The following ABCA1 variants were observed in gnomAD, a reference collection of about 807,000 sequenced individuals.
The protein encoded by ABCA1 is phospholipid-transporting ATPase ABCA1.
Under a neutral mutation model 262.5 loss-of-function variants are expected in ABCA1, and 133 were observed. The ratio of observed to expected loss-of-function variants is 0.51; its 90% confidence interval spans 0.44 to 0.59. The LOEUF (loss-of-function observed/expected upper bound fraction) is 0.59, where lower values mean the gene tolerates loss of function less well. ABCA1 is among the 20% of genes least tolerant of loss of function. The pLI is 0.00. For missense variants in ABCA1, 2,452 were observed against 2,777.5 expected (o/e 0.88, Z 2.63); for synonymous variants, 1,022 against 1,043.5 (o/e 0.98, Z 0.40).
rs749070718 is a variant in ABCA1, at chr9:104,784,471, G to A, written c.6646-16C>T. On this transcript the variant is annotated splice_polypyrimidine_tract_variant and intron_variant, in intron 49 of 49. Coordinates refer to ENST00000374736, the MANE Select transcript of ABCA1 (RefSeq NM_005502.4). ...TCACAAATACCTGTTAAAAGATTAA[G>A]ATGGACCTTTATAAATACCACTCAA... 12 of 1,613,960 alleles carry A rather than the reference G, an allele frequency of 7.4e-6. No individual in the cohort carries two copies. Among genetic ancestry groups the A allele is most frequent in the Non-Finnish European group, 1.0e-5 (12 of 1,179,960 alleles).
intron 5 of ABCA1, among the ~76,000 whole-genome samples, chr9:104,869,758 C>G (rs969300435): frequency 6.6e-6 from 1 of 152,164 alleles, no homozygotes; most frequent in Non-Finnish European, 1.5e-5. Context: ...CCAGGAGACA[C>G]TTCCTTCTCT....
At chr9:104,881,757 G>T (rs1588493398) in intron 5 of ABCA1, among the ~76,000 whole-genome samples, 1 of 151,998 alleles carries the variant, frequency 6.6e-6, no homozygotes, top group Non-Finnish European at 1.5e-5. Flanking sequence ...CTTTGATCAG[G>T]GGTTGTTGCT....
chr9:104,830,265 A>C (rs535155029), intron 14 of ABCA1, among the ~76,000 whole-genome samples: 1 of 152,356 alleles, frequency 6.6e-6, no homozygotes, highest in East Asian at 1.9e-4. Context: ...ACATTTACAT[A>C]AACTGTGCTT....
At chr9:104,818,943 C>T in intron 22 of ABCA1, 60 bp from the exon 23 acceptor site, 1 of 1,463,732 alleles carries the variant, frequency 6.8e-7, no homozygotes, top group Non-Finnish European at 9.4e-7. Context: ...TGATTTGTCA[C>T]AGTGACAGGG....
intron 6 of ABCA1, 148 bp downstream of exon 6, chr9:104,861,531 G>C (rs1836386344): frequency 8.6e-7 from 1 of 1,158,236 alleles, no homozygotes. Context: ...TGCCTGAATA[G>C]GGAAGTAAAA....
At position 104,838,151 on chromosome 9, in the gene ABCA1, C is replaced by A. The variant is rs539167356; in HGVS notation, c.1055-584G>T. 4.6e-5 allele frequency among the ~76,000 whole-genome samples: 7 copies of A among 151,968 alleles called. No homozygotes were observed. The South Asian group carries it at 1.5e-3, about 32-fold the overall frequency. On this transcript the variant is annotated intron_variant, in intron 9 of 49. Transcript: ENST00000374736. The stretch of plus-strand genomic sequence containing the variant: ...GACCAGCCTGACCAACATGGAGAAA[C>A]CCTGTCTCTACTAAAAATACAAAAT...
chr9:104,824,236 C>T (rs545564157), intron 18 of ABCA1, among the ~76,000 whole-genome samples: 1 of 150,936 alleles, frequency 6.6e-6, no homozygotes, highest in Non-Finnish European at 1.5e-5. Flanking sequence ...GAAGCCAAGA[C>T]AACAAAGAAA....
intron 5 of ABCA1, among the ~76,000 whole-genome samples, chr9:104,869,233 G>A (rs537771043): frequency 2.0e-5 from 3 of 151,908 alleles, no homozygotes; most frequent in Admixed American, 6.6e-5. Context: ...GGGTGGAGGA[G>A]GCAAATGAAA....
intron 44 of ABCA1, 110 bp downstream of exon 44, chr9:104,790,812 A>G (rs956052364): frequency 3.8e-6 from 3 of 798,066 alleles, no homozygotes; most frequent in Non-Finnish European, 2.1e-6. Flanking sequence ...ATATTTCAAC[A>G]TTTTTATGAA....
Position 104,818,829 on chromosome 9 carries a change from T to G in ABCA1, c.3296A>C (p.Asp1099Ala), listed in dbSNP as rs754720959. 6.2e-7 allele frequency: 1 copy of G among 1,613,976 alleles called. No homozygotes were observed. The highest frequency in any genetic ancestry group is 1.7e-5 in the Admixed American group (1 of 60,022). ...CCCATGGGAGATGATGGCAATCCTG[T>G]CCCCCAGGACGTCCGCTTCATCCAT... ...HHMDEADVLG[D>A]RIAIISHGKL... The change falls in exon 23 of 50, where the codon GAC (aspartate) becomes GCC (alanine). Residue 1099 changes from aspartate to alanine, a missense_variant. Physicochemically the swap from Asp to Ala is moderately radical, Grantham distance 126. Transcript: ENST00000374736.
At chr9:104,819,435 A>G (rs1465802256) in intron 22 of ABCA1, 151 bp downstream of exon 22, 20 of 1,084,754 alleles carry the variant, frequency 1.8e-5, no homozygotes, top group Non-Finnish European at 2.6e-5. Context: ...CCTCTCAGGA[A>G]TCTCAGTCTC....
chr9:104,840,309 C>G lies in ABCA1; in HGVS notation c.1024G>C (p.Asp342His). ...ALFGGNGTEE[D>H]AETFYDNSTT... ...GAGTTGTCATAGAAGGTTTCAGCAT[C>G]TTCCTCAGTGCCATTGCCTCCAAAG... Residue 342 changes from aspartate (D) to histidine (H), a missense_variant, in exon 9 of 50, where the codon GAT becomes CAT. Physicochemically the swap from Asp to His is moderately conservative, Grantham distance 81. Transcript: ENST00000374736. 1 of 1,614,234 alleles carries G rather than the reference C, an allele frequency of 6.2e-7. No individual in the cohort carries two copies. Among genetic ancestry groups the G allele is most frequent in the Non-Finnish European group, 8.5e-7 (1 of 1,180,048 alleles).
rs116103566 is a variant in ABCA1 at position 104,842,339 on chromosome 9, T to C, written c.814-1820A>G. ...GGCCATTTTGCCTTTTGTTGCTTAT[T>C]GGAACAGCCCTAGAGATTTTTAAAT... is the stretch of plus-strand genomic sequence containing the variant. On this transcript the variant is annotated intron_variant, in intron 8 of 49. Coordinates refer to ENST00000374736, the MANE Select transcript of ABCA1 (RefSeq NM_005502.4). 1.6e-3 allele frequency among the ~76,000 whole-genome samples: 251 copies of C among 152,312 alleles called. 1 individual carries two copies. The highest frequency in any genetic ancestry group is 5.9e-3 in the African/African-American group (244 of 41,566).
chr9:104,879,486 A>G (rs540295627), intron 5 of ABCA1, among the ~76,000 whole-genome samples: 1 of 152,336 alleles, frequency 6.6e-6, no homozygotes, highest in South Asian at 2.1e-4. Context: ...GATGACGAGA[A>G]AGGAGTATCA....
rs774853122 is a variant in ABCA1, at chr9:104,825,716, C to A, written c.2509G>T (p.Val837Leu). The change falls in exon 17 of 50, where the codon GTG becomes TTG. Residue 837 changes from valine (V) to leucine (L), a missense_variant. Transcript: ENST00000374736. ...MMLFDTFLYGVMTWYIEAVFP... is the reference protein window; with the variant it reads ...MMLFDTFLYGLMTWYIEAVFP... ...ACAGCCTCAATGTACCAGGTCATCA[C>A]CCCATAGAGGAAGGTGTCAAACAGC... The A allele has an allele frequency of 8.7e-6, 14 of 1,614,184 alleles. No individual in the cohort carries two copies. The highest frequency in any genetic ancestry group is 1.7e-5 in the Admixed American group (1 of 60,020).
At chr9:104,855,793 A>G (rs1835784566) in intron 7 of ABCA1, 1 of 1,578,752 alleles carries the variant, frequency 6.3e-7, no homozygotes, top group Non-Finnish European at 8.6e-7. Flanking sequence ...CCACACTGCC[A>G]TACTTTCCCC....
chr9:104,840,593 A>G, intron 8 of ABCA1, 74 bp from the exon 9 acceptor site: 2 of 1,400,636 alleles, frequency 1.4e-6, no homozygotes, highest in South Asian at 2.6e-5. Context: ...TGGGGATGAG[A>G]AGAGAAAGAA....
chr9:104,834,459 G>C (rs556797595), intron 11 of ABCA1, among the ~76,000 whole-genome samples: 1 of 149,702 alleles, frequency 6.7e-6, no homozygotes, highest in Admixed American at 6.7e-5. Flanking sequence ...AGTTCACAGA[G>C]GCTAGGGTTA....
chr9:104,796,671 C>G (rs2118877554), intron 37 of ABCA1, among the ~76,000 whole-genome samples: 1 of 152,262 alleles, frequency 6.6e-6, no homozygotes, highest in South Asian at 2.1e-4. Context: ...CAAGGTGTCA[C>G]ACTCAGTAAA....
Sources: allele counts gnomAD v4.1 joint callset (sites outside exome capture counted in the v4.1 genomes callset), GRCh38; gene constraint gnomAD v4.1.1; transcripts MANE v1.5; gene names NCBI Gene and HGNC (gene_info 2026-07-23, HGNC 2026-07-21).